LYRM4: variants seen among roughly 807,000 people sequenced by gnomAD.
LYRM4 encodes LYR motif-containing protein 4.
LYRM4 carries 9 observed loss-of-function variants against 11.7 expected under a neutral mutation model. That is an observed-to-expected ratio of 0.77 (90% CI 0.46 to 1.34). The LOEUF (loss-of-function observed/expected upper bound fraction) is 1.34, where lower values mean the gene tolerates loss of function less well. Ranked by LOEUF, LYRM4 falls within the 40% of genes most tolerant of loss-of-function variation. The probability of loss-of-function intolerance (pLI) is 0.00; values close to 1 mark genes in which losing one functional copy is unlikely to be tolerated. For missense variants in LYRM4, 133 were observed against 112.5 expected (o/e 1.18, Z -0.82); for synonymous variants, 42 against 40.4 (o/e 1.04, Z -0.15).
rs1296583889 is a variant in LYRM4, at chr6:5,260,919, C to T, written c.-186G>A. 1 of 1,365,110 alleles carries T rather than the reference C, an allele frequency of 7.3e-7. No homozygotes were observed. Among genetic ancestry groups the T allele is most frequent in the Non-Finnish European group, 9.4e-7 (1 of 1,064,428 alleles). 84.6% of individuals were successfully genotyped at this position (1,365,110 alleles called of 1,614,324 possible). On this transcript the variant is annotated 5_prime_UTR_variant, in exon 1 of 3. Transcript: ENST00000330636. Reference sequence around the variant, plus strand: ...ATCGCGGACGGCGCCAGGCGTCCCGCGCCGCTTCGGGGGCGGGCGCAGGCA... The same window carrying T: ...ATCGCGGACGGCGCCAGGCGTCCCGTGCCGCTTCGGGGGCGGGCGCAGGCA...
chr6:5,165,863 T>C (rs1162140544), intron 2 of LYRM4, among the ~76,000 whole-genome samples: 1 of 152,160 alleles, frequency 6.6e-6, no homozygotes, highest in African/African-American at 2.4e-5. Flanking sequence ...GTTTATATCC[T>C]TTTAGTTTCT....
At chr6:5,045,480 T>C in the LYRM4 span, among the ~76,000 whole-genome samples, 2 of 152,320 alleles carry the variant, frequency 1.3e-5, no homozygotes, top group South Asian at 2.1e-4. Flanking sequence ...AGGGCAGTTA[T>C]TGTTTAAAAG....
intron 2 of LYRM4, among the ~76,000 whole-genome samples, chr6:5,206,410 G>T (rs751234777): frequency 6.6e-6 from 1 of 152,164 alleles, no homozygotes; most frequent in Non-Finnish European, 1.5e-5. Context: ...GTGTAATTCC[G>T]AAATGCACTC....
At chr6:5,246,955 A>C (rs1180369252) in intron 1 of LYRM4, among the ~76,000 whole-genome samples, 2 of 152,144 alleles carry the variant, frequency 1.3e-5, no homozygotes, top group Non-Finnish European at 2.9e-5. Flanking sequence ...ACCCACAGAG[A>C]TCTGAGGTGT....
intron 2 of LYRM4, among the ~76,000 whole-genome samples, chr6:5,115,728 C>T (rs1763088186): frequency 1.3e-5 from 2 of 152,100 alleles, no homozygotes; most frequent in South Asian, 4.2e-4. Context: ...TTATAGTCTG[C>T]TTTGACAGAA....
the LYRM4 span, among the ~76,000 whole-genome samples, chr6:5,043,799 A>G: frequency 6.6e-6 from 1 of 152,146 alleles, no homozygotes; most frequent in Non-Finnish European, 1.5e-5. Context: ...ATGCTGGGCC[A>G]CTATCCACTT....
intron 1 of LYRM4, among the ~76,000 whole-genome samples, chr6:5,224,102 T>G (rs1308616189): frequency 6.6e-6 from 1 of 152,200 alleles, no homozygotes; most frequent in African/African-American, 2.4e-5. Context: ...AGCGTCCTTT[T>G]CCAGCTGGAT....
intron 2 of LYRM4, among the ~76,000 whole-genome samples, chr6:5,160,418 G>A (rs978808994): frequency 6.6e-5 from 10 of 152,214 alleles, no homozygotes; most frequent in Admixed American, 4.6e-4. Flanking sequence ...TGGTGGGAGG[G>A]ACCTGGTGGG....
intron 2 of LYRM4, among the ~76,000 whole-genome samples, chr6:5,118,713 A>C (rs957153014): frequency 6.6e-6 from 1 of 152,224 alleles, no homozygotes; most frequent in African/African-American, 2.4e-5. Context: ...CCAATTCAAA[A>C]AAAAAGCACA....
At chr6:5,118,282 A>G (rs1763239351) in intron 2 of LYRM4, among the ~76,000 whole-genome samples, 1 of 151,550 alleles carries the variant, frequency 6.6e-6, no homozygotes, top group African/African-American at 2.4e-5. Context: ...ACACCTGGCT[A>G]ATTTTTGTAT....
intron 2 of LYRM4, among the ~76,000 whole-genome samples, chr6:5,165,797 C>T (rs1044881238): frequency 2.0e-5 from 3 of 152,132 alleles, no homozygotes; most frequent in Non-Finnish European, 4.4e-5. Flanking sequence ...CCTGCCTCGG[C>T]CTCCCAAAGT....
the LYRM4 span, among the ~76,000 whole-genome samples, chr6:5,081,932 G>A: frequency 6.6e-5 from 10 of 152,256 alleles, no homozygotes; most frequent in Admixed American, 4.6e-4. Context: ...GAGCAAGGCT[G>A]GTGGGGCTTC....
intron 2 of LYRM4, among the ~76,000 whole-genome samples, chr6:5,159,816 T>C (rs896131997): frequency 6.6e-6 from 1 of 152,232 alleles, no homozygotes; most frequent in Non-Finnish European, 1.5e-5. Context: ...GAACATTGAC[T>C]TTGGCTTCTA....
At chr6:5,120,408 C>T (rs181009902) in intron 2 of LYRM4, among the ~76,000 whole-genome samples, 1 of 152,262 alleles carries the variant, frequency 6.6e-6, no homozygotes, top group Admixed American at 6.5e-5. Context: ...CTGGTGGGTT[C>T]GTGGTCTCTC....
the LYRM4 span, chr6:5,085,444 G>T: frequency 1.1e-5 from 16 of 1,428,920 alleles, no homozygotes; most frequent in Non-Finnish European, 1.4e-5. Flanking sequence ...GTCTCCAGAG[G>T]GGCCCGGTTC....
intron 2 of LYRM4, among the ~76,000 whole-genome samples, chr6:5,146,284 C>T (rs1215685250): frequency 1.3e-5 from 2 of 152,130 alleles, no homozygotes; most frequent in Non-Finnish European, 2.9e-5. Context: ...ATGCCCTGTC[C>T]CTAAGGAGAC....
At chr6:5,103,630 A>ATTT (rs59251955), downstream of LYRM4, 1 of 119,736 alleles carries the variant, frequency 8.4e-6, no homozygotes, top group African/African-American at 3.2e-5. Context: ...TATCTGAGAT[A>ATTT]TTTTTTTTTT....
chr6:5,215,857 T>G (rs1361731914), intron 2 of LYRM4, among the ~76,000 whole-genome samples: 1 of 152,180 alleles, frequency 6.6e-6, no homozygotes, highest in African/African-American at 2.4e-5. Flanking sequence ...GAAATGGAGT[T>G]TATTGCGTGA....
the LYRM4 span, chr6:5,086,092 C>G: frequency 1.4e-6 from 2 of 1,459,074 alleles, no homozygotes; most frequent in Non-Finnish European, 1.8e-6. Context: ...GCTCTTCCAG[C>G]TCCCGGGGCC....
Sources: allele counts gnomAD v4.1 joint callset (sites outside exome capture counted in the v4.1 genomes callset), GRCh38; gene constraint gnomAD v4.1.1; transcripts MANE v1.5; gene names NCBI Gene and HGNC (gene_info 2026-07-23, HGNC 2026-07-21).